FLT1: variants seen among roughly 807,000 people sequenced by gnomAD.
FLT1 encodes vascular endothelial growth factor receptor 1.
FLT1 carries 49 observed loss-of-function variants against 156.3 expected under a neutral mutation model. The observed-to-expected ratio is 0.31, with a 90% CI of 0.25 to 0.40. FLT1 has a LOEUF of 0.40. FLT1 is among the 10% of genes least tolerant of loss of function. FLT1 has a pLI of 1.00. For synonymous variants in FLT1, 594 were observed against 583.8 expected, an observed-to-expected ratio of 1.02 and a Z score of -0.25; for missense variants, 1,322 against 1,637.2, an observed-to-expected ratio of 0.81 and a Z score of 3.32.
intron 6 of FLT1, among the ~76,000 whole-genome samples, chr13:28,432,442 C>T (rs1056174507): frequency 6.6e-6 from 1 of 152,172 alleles, no homozygotes; most frequent in South Asian, 2.1e-4. Flanking sequence ...GAGCTTTCTG[C>T]AGCTCTATTT....
At chr13:28,366,994 A>G (rs1873324435) in intron 14 of FLT1, among the ~76,000 whole-genome samples, 1 of 152,180 alleles carries the variant, frequency 6.6e-6, no homozygotes, top group Admixed American at 6.5e-5. Context: ...ACTGAGGAAA[A>G]TGACCACATA....
At chr13:28,329,946 G>A (rs1296673170) in intron 18 of FLT1, among the ~76,000 whole-genome samples, 1 of 152,172 alleles carries the variant, frequency 6.6e-6, no homozygotes, top group Non-Finnish European at 1.5e-5. Context: ...ACAGTAGTGG[G>A]GTTAGTCACT....
intron 1 of FLT1, among the ~76,000 whole-genome samples, chr13:28,493,147 A>G (rs113041579): frequency 3.0e-4 from 45 of 152,354 alleles, no homozygotes; most frequent in African/African-American, 9.1e-4. Flanking sequence ...GAAGCAGAAA[A>G]TCTAATAAAT....
chr13:28,379,671 G>A (rs9554325), intron 14 of FLT1, among the ~76,000 whole-genome samples: 67,671 of 152,036 alleles, frequency 0.45, 16,307 homozygotes, highest in East Asian at 0.6. Context: ...GGCCAAGATT[G>A]TCTCTTGCAA....
At chr13:28,398,121 A>G (rs568844195) in intron 11 of FLT1, among the ~76,000 whole-genome samples, 1 of 152,342 alleles carries the variant, frequency 6.6e-6, no homozygotes, top group East Asian at 1.9e-4. Flanking sequence ...TGTATAATCT[A>G]TATGAAAAAA....
At chr13:28,451,834 G>A (rs1439354686) in intron 3 of FLT1, among the ~76,000 whole-genome samples, 4 of 152,304 alleles carry the variant, frequency 2.6e-5, no homozygotes, top group East Asian at 1.9e-4. Context: ...CACACTGGGC[G>A]TAGCACACTG....
chr13:28,461,707 G>A (rs1196600185), intron 3 of FLT1, among the ~76,000 whole-genome samples: 1 of 146,362 alleles, frequency 6.8e-6, no homozygotes, highest in Non-Finnish European at 1.5e-5. Context: ...GCCAGGTAGA[G>A]CCTTTTTTTC....
At chr13:28,392,823 G>C (rs922605484) in intron 12 of FLT1, among the ~76,000 whole-genome samples, 1 of 152,104 alleles carries the variant, frequency 6.6e-6, no homozygotes, top group Admixed American at 6.5e-5. Flanking sequence ...AACCAAATTC[G>C]TTTTGAGGCC....
chr13:28,438,206 G>A lies in FLT1; in HGVS notation c.513+15C>T, dbSNP rs375400550. On this transcript the variant is annotated intron_variant, in intron 4 of 29. Coordinates refer to ENST00000282397, the MANE Select transcript of FLT1 (RefSeq NM_002019.4). ...GCAGTGAAAGTATGCTGAGAATAGC[G>A]GTGTTCAAATTTACCTTTTTTAAAG... 2.0e-5 allele frequency: 32 copies of A among 1,611,568 alleles called. No individual in the cohort carries two copies. The highest frequency in any genetic ancestry group is 1.5e-4 in the African/African-American group (11 of 74,970).
intron 3 of FLT1, among the ~76,000 whole-genome samples, chr13:28,451,186 G>A (rs1878912419): frequency 6.6e-6 from 1 of 152,212 alleles, no homozygotes; most frequent in Non-Finnish European, 1.5e-5. Context: ...ACTTTGGGAG[G>A]CCGAGGTGGG....
intron 10 of FLT1, among the ~76,000 whole-genome samples, chr13:28,420,147 G>T (rs555684135): frequency 4.6e-5 from 7 of 152,330 alleles, no homozygotes; most frequent in Admixed American, 3.9e-4. Context: ...AAGGGCTGTT[G>T]TCCGAACAGT....
intron 1 of FLT1, among the ~76,000 whole-genome samples, chr13:28,494,067 G>C (rs112180831): frequency 6.6e-6 from 1 of 152,212 alleles, no homozygotes; most frequent in South Asian, 2.1e-4. Flanking sequence ...GCCCCACCCG[G>C]GTGGCTGAGC....
chr13:28,467,388 A>G (rs1879909727), intron 2 of FLT1, 133 bp downstream of exon 2: 2 of 706,628 alleles, frequency 2.8e-6, no homozygotes, highest in South Asian at 1.6e-5. Flanking sequence ...TTTCATGGGA[A>G]GCTGGATGCC....
intron 1 of FLT1, among the ~76,000 whole-genome samples, chr13:28,485,250 A>G (rs961668880): frequency 1.3e-5 from 2 of 152,046 alleles, no homozygotes; most frequent in Admixed American, 6.5e-5. Context: ...CACCTCCAGA[A>G]AAAGGTGCTA....
Position 28,322,262 on chromosome 13 carries a change from C to A in FLT1, c.3051G>T (p.Lys1017Asn). 1.3e-6 allele frequency: 2 copies of A among 1,593,324 alleles called. No individual in the cohort carries two copies. Among genetic ancestry groups the A allele is most frequent in the Middle Eastern group, 1.7e-4 (1 of 6,018 alleles). ...ARGMEFLSSRKCIHRDLAARN... is the reference protein window; with the variant it reads ...ARGMEFLSSRNCIHRDLAARN... The stretch of plus-strand genomic sequence containing the variant: ...AAAAACAGTAAACAGCAAGACTGAC[C>A]TTTCTGGAAGACAGGAACTCCATGC... Residue 1017 changes from lysine to asparagine, a missense_variant and splice_region_variant, in exon 22 of 30, where the codon AAG becomes AAT. By Grantham distance (94) the Lys-to-Asn change is moderately conservative. Coordinates refer to ENST00000282397, the MANE Select transcript of FLT1 (RefSeq NM_002019.4). This position sits in a 1 kb window ranked among gnomAD's most constrained non-coding sequence, Gnocchi z 4.3.
At position 28,323,607 on chromosome 13, in the gene FLT1, C is replaced by T. The variant is rs1344115161; in HGVS notation, c.2797-661G>A. Among the ~76,000 whole-genome samples, 5 of 149,762 alleles carry T rather than the reference C, an allele frequency of 3.3e-5. No individual in the cohort carries two copies. The East Asian group carries it at 7.9e-4, about 24-fold the overall frequency. On this transcript the variant is annotated intron_variant, in intron 20 of 29. Coordinates refer to ENST00000282397, the MANE Select transcript of FLT1 (RefSeq NM_002019.4). ...TGGAGGTTGCAGTGAGCCGAGATCA[C>T]GCCATTGCACTCTAGCCTGGCCAAC...
rs1880432918 is a variant in FLT1, at chr13:28,474,505, C to CACACACAGACACACAG, written c.65-6889_65-6888insCTGTGTGTCTGTGTGT. On this transcript the variant is annotated intron_variant, in intron 1 of 29. Coordinates refer to ENST00000282397, the MANE Select transcript of FLT1 (RefSeq NM_002019.4). The stretch of plus-strand genomic sequence containing the variant: ...CCACAGACACACACACACACACACA[C>CACACACAGACACACAG]ACACACACACACACACACAAACCCC... 2.0e-5 allele frequency among the ~76,000 whole-genome samples: 3 copies of CACACACAGACACACAG among 150,804 alleles called. No individual in the cohort carries two copies. The Admixed American group carries it at 2.0e-4, about 10-fold the overall frequency.
Position 28,314,351 on chromosome 13 carries a change from C to A in FLT1, c.3387-2253G>T, listed in dbSNP as rs539247861. On this transcript the variant is annotated intron_variant, in intron 25 of 29. Transcript: ENST00000282397. ...ATTCCGATTTCTAGTTTCCACTCTT[C>A]TTGCCTAAAATCCAATGCAAATCAT... Among the ~76,000 whole-genome samples, 4 of 152,198 alleles carry A rather than the reference C, an allele frequency of 2.6e-5. No homozygotes were observed. In the South Asian group the frequency reaches 8.3e-4, roughly 32 times the overall value.
intron 13 of FLT1, chr13:28,386,623 G>T: frequency 1.9e-6 from 2 of 1,056,124 alleles, no homozygotes; most frequent in Non-Finnish European, 2.3e-6. Context: ...TTTTGCATTG[G>T]ATGCTATCTG....
Sources: allele counts gnomAD v4.1 joint callset (sites outside exome capture counted in the v4.1 genomes callset), GRCh38; gene constraint gnomAD v4.1.1; non-coding constraint Gnocchi (gnomAD v3.1); transcripts MANE v1.5; gene names NCBI Gene and HGNC (gene_info 2026-07-23, HGNC 2026-07-21).